BMPR2: variants seen among roughly 807,000 people sequenced by gnomAD.
BMPR2 encodes the protein bone morphogenetic protein receptor type-2.
In BMPR2, 29 loss-of-function variants were observed where a neutral mutation model predicts 100.8. That is an observed-to-expected ratio of 0.29 (90% CI 0.21 to 0.39). The LOEUF (loss-of-function observed/expected upper bound fraction) is 0.39, where lower values mean the gene tolerates loss of function less well. BMPR2 is among the 10% of genes least tolerant of loss of function. BMPR2 has a pLI of 1.00. For missense variants in BMPR2, 1,011 were observed against 1,274.5 expected, an observed-to-expected ratio of 0.79 and a Z score of 3.15; for synonymous variants, 382 against 442.3, an observed-to-expected ratio of 0.86 and a Z score of 1.71.
At chr2:202,535,057 G>A (rs1436819482) in intron 9 of BMPR2, among the ~76,000 whole-genome samples, 1 of 138,226 alleles carries the variant, frequency 7.2e-6, no homozygotes, top group African/African-American at 2.7e-5. Flanking sequence ...CCTCCCTCCC[G>A]GACAGGTCGG....
chr2:202,448,924 GGT>G (rs55680029), intron 1 of BMPR2, among the ~76,000 whole-genome samples: 26,415 of 142,564 alleles, frequency 0.19, 2,392 homozygotes, highest in Middle Eastern at 0.23. Flanking sequence ...GTTTAGAATT[GGT>G]GTGTGTGTGT....
chr2:202,380,294 A>G (rs1299246056), intron 1 of BMPR2, among the ~76,000 whole-genome samples: 2 of 152,266 alleles, frequency 1.3e-5, no homozygotes, highest in East Asian at 3.9e-4. Flanking sequence ...TTAAAGGTCA[A>G]CTTCTGTAAT....
chr2:202,402,892 G>A lies in BMPR2; in HGVS notation c.76+25342G>A, dbSNP rs566886025. Among the ~76,000 whole-genome samples, 36 of 151,284 alleles carry A rather than the reference G, an allele frequency of 2.4e-4. 1 individual carries two copies. The highest frequency in any genetic ancestry group is 8.7e-4 in the African/African-American group (36 of 41,232). On this transcript the variant is annotated intron_variant, in intron 1 of 12. Transcript: ENST00000374580. ...CGTCTAGGCTGGAGTGCAATGGCGC[G>A]ATCTCAGCTCACAGCAAATTCCGCC...
At chr2:202,499,596 T>C (rs948004421) in intron 3 of BMPR2, among the ~76,000 whole-genome samples, 4 of 152,192 alleles carry the variant, frequency 2.6e-5, no homozygotes, top group African/African-American at 9.6e-5. Context: ...CTCGAGCGGC[T>C]ACGAGAGGCC....
At chr2:202,489,604 A>G (rs1692855860) in intron 3 of BMPR2, among the ~76,000 whole-genome samples, 2 of 152,248 alleles carry the variant, frequency 1.3e-5, no homozygotes, top group African/African-American at 4.8e-5. Flanking sequence ...GGAATATTAC[A>G]TATCTTACCC....
At chr2:202,534,928 G>A (rs1337010355) in intron 9 of BMPR2, among the ~76,000 whole-genome samples, 5 of 136,066 alleles carry the variant, frequency 3.7e-5, no homozygotes, top group African/African-American at 1.4e-4. Flanking sequence ...CCTCCCGGAC[G>A]GGGCGGCTGG....
chr2:202,539,995 A>G (rs569904025), intron 9 of BMPR2, among the ~76,000 whole-genome samples: 22 of 152,300 alleles, frequency 1.4e-4, no homozygotes, highest in Non-Finnish European at 2.6e-4. Flanking sequence ...TTTTGTCATT[A>G]ACATTCACCT....
intron 1 of BMPR2, among the ~76,000 whole-genome samples, chr2:202,439,792 C>T (rs1005466857): frequency 7.0e-6 from 1 of 142,434 alleles, no homozygotes; most frequent in Non-Finnish European, 1.5e-5. Context: ...GGGTGTTTCT[C>T]GGAGAGGGGG....
At chr2:202,493,258 TACTC>T (rs1388428511) in intron 3 of BMPR2, among the ~76,000 whole-genome samples, 2 of 152,204 alleles carry the variant, frequency 1.3e-5, no homozygotes, top group Non-Finnish European at 2.9e-5. Flanking sequence ...GGACATTTCT[TACTC>T]AATTAGGTTA....
chr2:202,505,301 T>C (rs1311825907), intron 3 of BMPR2: 1 of 152,008 alleles, frequency 6.6e-6, no homozygotes, highest in Non-Finnish European at 1.5e-5. Context: ...ATTCTGAGGT[T>C]TCTTCACCTA....
chr2:202,555,522 A>T lies in BMPR2; in HGVS notation c.1857A>T (p.Gly619=). ...ACACAACAACCACAAACACCACAGG[A>T]CTCACGCCAAGTACTGGCATGACTA... ...STNTTTTNTT[G]LTPSTGMTTI... The change falls in exon 12 of 13, where the codon GGA becomes GGT. Residue 619 remains glycine, a synonymous_variant. Coordinates refer to ENST00000374580, the MANE Select transcript of BMPR2 (RefSeq NM_001204.7). 1 of 1,614,134 alleles carries T rather than the reference A, an allele frequency of 6.2e-7. No individual in the cohort carries two copies. The highest frequency in any genetic ancestry group is 8.5e-7 in the Non-Finnish European group (1 of 1,180,030).
At chr2:202,492,344 C>T (rs1484361747) in intron 3 of BMPR2, among the ~76,000 whole-genome samples, 1 of 151,918 alleles carries the variant, frequency 6.6e-6, no homozygotes, top group East Asian at 1.9e-4. Flanking sequence ...AATGCTTATA[C>T]ATTATACACG....
chr2:202,492,865 A>G (rs1389856057), intron 3 of BMPR2, among the ~76,000 whole-genome samples: 1 of 152,286 alleles, frequency 6.6e-6, no homozygotes, highest in East Asian at 1.9e-4. Flanking sequence ...TGTTTTCCTT[A>G]TAAGAGAGCA....
chr2:202,520,136 C>T lies in BMPR2; in HGVS notation c.902C>T (p.Ser301Phe). Residue 301 changes from serine to phenylalanine, a missense_variant, in exon 7 of 13, where the codon TCT (serine) becomes TTT (phenylalanine). By Grantham distance (155) the Ser-to-Phe change is radical. This residue lies in a region of BMPR2 where 355 missense variants were observed against 455.3 expected (regional missense o/e 0.78). Transcript: ENST00000374580. ...LSLHTSDWVSSCRLAHSVTRG... is the reference protein window; with the variant it reads ...LSLHTSDWVSFCRLAHSVTRG... The stretch of plus-strand genomic sequence containing the variant: ...CTCCACACAAGTGACTGGGTAAGCT[C>T]TTGCCGTCTTGCTCATTCTGTTACT... 1 of 1,612,754 alleles carries T rather than the reference C, an allele frequency of 6.2e-7. No homozygotes were observed. The highest frequency in any genetic ancestry group is 8.5e-7 in the Non-Finnish European group (1 of 1,179,880).
chr2:202,410,480 A>T (rs1690990834), intron 1 of BMPR2, among the ~76,000 whole-genome samples: 1 of 152,256 alleles, frequency 6.6e-6, no homozygotes, highest in South Asian at 2.1e-4. Flanking sequence ...AAGCTAAGAC[A>T]AAATAAATAA....
chr2:202,425,180 C>T (rs1691361381), intron 1 of BMPR2, among the ~76,000 whole-genome samples: 1 of 152,100 alleles, frequency 6.6e-6, no homozygotes, highest in African/African-American at 2.4e-5. Context: ...TCCCAAAGTG[C>T]TAGGATTACA....
intron 3 of BMPR2, among the ~76,000 whole-genome samples, chr2:202,476,272 C>T (rs1330189820): frequency 6.6e-6 from 1 of 152,060 alleles, no homozygotes; most frequent in Non-Finnish European, 1.5e-5. Flanking sequence ...GTGTCCCTCT[C>T]TTCCTGCCTT....
chr2:202,422,449 G>A (rs185738933), intron 1 of BMPR2, among the ~76,000 whole-genome samples: 1 of 151,704 alleles, frequency 6.6e-6, no homozygotes. Flanking sequence ...TGGGACTACA[G>A]GTGTCCGCCA....
At chr2:202,394,657 A>G (rs2105905865) in intron 1 of BMPR2, among the ~76,000 whole-genome samples, 1 of 152,240 alleles carries the variant, frequency 6.6e-6, no homozygotes, top group African/African-American at 2.4e-5. Flanking sequence ...AAAAATAATT[A>G]TTGAATTATT....
Sources: allele counts gnomAD v4.1 joint callset (sites outside exome capture counted in the v4.1 genomes callset), GRCh38; gene constraint gnomAD v4.1.1; regional missense constraint gnomAD v4.1.1; transcripts MANE v1.5; gene names NCBI Gene and HGNC (gene_info 2026-07-23, HGNC 2026-07-21).